MBNL2: variants seen among roughly 807,000 people sequenced by gnomAD.
MBNL2 encodes the protein muscleblind-like protein 2.
In MBNL2, 17 loss-of-function variants were observed where a neutral mutation model predicts 41.9. That is an observed-to-expected ratio of 0.41 (90% CI 0.28 to 0.61). The LOEUF (loss-of-function observed/expected upper bound fraction) is 0.61, where lower values mean the gene tolerates loss of function less well. MBNL2 is among the 20% of genes least tolerant of loss of function. MBNL2 has a pLI of 0.35. For synonymous variants in MBNL2, 195 were observed against 182.9 expected (o/e 1.07, Z -0.53); for missense variants, 336 against 505.6 (o/e 0.66, Z 3.22).
chr13:97,333,905 G>C (rs372997817), intron 2 of MBNL2, among the ~76,000 whole-genome samples: 1 of 148,060 alleles, frequency 6.8e-6, no homozygotes, highest in East Asian at 2.1e-4. Context: ...CTTTTGTCAG[G>C]GTTTAGAATC....
At chr13:97,289,028 A>C (rs1202646263) in intron 2 of MBNL2, among the ~76,000 whole-genome samples, 2 of 152,224 alleles carry the variant, frequency 1.3e-5, no homozygotes, top group Non-Finnish European at 2.9e-5. Flanking sequence ...TAGAGGCCTT[A>C]ACCTAGTTAA....
the MBNL2 span, among the ~76,000 whole-genome samples, chr13:97,165,354 A>G: frequency 2.0e-5 from 3 of 152,210 alleles, no homozygotes; most frequent in Non-Finnish European, 4.4e-5. Flanking sequence ...TTGCTATTAC[A>G]TTTCATCTCT....
the MBNL2 span, among the ~76,000 whole-genome samples, chr13:97,169,524 A>C: frequency 2.6e-5 from 4 of 152,226 alleles, no homozygotes; most frequent in African/African-American, 7.2e-5. Flanking sequence ...CTGATCTCAT[A>C]GTTTTCTGAG....
At chr13:97,211,220 A>G in the MBNL2 span, among the ~76,000 whole-genome samples, 81 of 152,278 alleles carry the variant, frequency 5.3e-4, no homozygotes, top group Middle Eastern at 6.8e-3. Context: ...TAGCCCTAGG[A>G]TCCATGATTG....
intron 2 of MBNL2, among the ~76,000 whole-genome samples, chr13:97,278,665 T>G (rs1488221775): frequency 6.6e-6 from 1 of 152,180 alleles, no homozygotes; most frequent in Non-Finnish European, 1.5e-5. Context: ...TTGAACAGCA[T>G]TCAAGTAAAA....
chr13:97,186,715 C>T, the MBNL2 span, among the ~76,000 whole-genome samples: 1 of 152,160 alleles, frequency 6.6e-6, no homozygotes, highest in African/African-American at 2.4e-5. Flanking sequence ...CACAGCAAAT[C>T]ATCGTTTTAA....
At chr13:97,214,342 G>C in the MBNL2 span, among the ~76,000 whole-genome samples, 1 of 152,180 alleles carries the variant, frequency 6.6e-6, no homozygotes, top group African/African-American at 2.4e-5. Context: ...CCTTGGCCTT[G>C]TGTCTCAAAC....
At chr13:97,289,903 A>G (rs1052008968) in intron 2 of MBNL2, among the ~76,000 whole-genome samples, 2 of 152,252 alleles carry the variant, frequency 1.3e-5, no homozygotes, top group African/African-American at 4.8e-5. Flanking sequence ...AAATGCCTAT[A>G]TTAAAGAAGA....
intron 5 of MBNL2, among the ~76,000 whole-genome samples, chr13:97,351,900 A>G (rs555072151): frequency 8.3e-4 from 126 of 152,182 alleles, no homozygotes; most frequent in African/African-American, 2.7e-3. Context: ...GGTGCACGCT[A>G]TAATTCCAGC....
chr13:97,326,249 G>A (rs1030841323), intron 2 of MBNL2, among the ~76,000 whole-genome samples: 6 of 152,160 alleles, frequency 3.9e-5, no homozygotes, highest in African/African-American at 1.4e-4. Flanking sequence ...GTGGTGGTGG[G>A]TAAAATTGGA....
At chr13:97,169,333 T>C in the MBNL2 span, among the ~76,000 whole-genome samples, 1 of 152,208 alleles carries the variant, frequency 6.6e-6, no homozygotes, top group Non-Finnish European at 1.5e-5. Context: ...AAGAGTGGAT[T>C]GAAAAACCAA....
chr13:97,229,501 C>T (rs533077763), intron 1 of MBNL2, among the ~76,000 whole-genome samples: 2 of 151,978 alleles, frequency 1.3e-5, no homozygotes, highest in Non-Finnish European at 2.9e-5. Context: ...CAGGGTTATG[C>T]AAGAATAATA....
rs895638076 is a variant in MBNL2, at chr13:97,346,009, A to G, written c.541-795A>G. Reference sequence around the variant, plus strand: ...TAGGTAGGTAAGCAGGTATATAGATAGGTAGGTAACTAGATTAGATAGATG... The same window carrying G: ...TAGGTAGGTAAGCAGGTATATAGATGGGTAGGTAACTAGATTAGATAGATG... On this transcript the variant is annotated intron_variant, in intron 4 of 8. Transcript: ENST00000679496. The surrounding 1 kb of genome is among the most constrained non-coding windows in gnomAD (Gnocchi z 4.2). 1.3e-5 allele frequency among the ~76,000 whole-genome samples: 2 copies of G among 152,002 alleles called. No homozygotes were observed. The highest frequency in any genetic ancestry group is 4.8e-5 in the African/African-American group (2 of 41,276).
chr13:97,376,561 C>A (rs2064983710), intron 8 of MBNL2, among the ~76,000 whole-genome samples: 1 of 152,142 alleles, frequency 6.6e-6, no homozygotes, highest in Non-Finnish European at 1.5e-5. Context: ...CCTATCATTG[C>A]TCCCCTTGCT....
intron 1 of MBNL2, among the ~76,000 whole-genome samples, chr13:97,260,583 C>T (rs1189022406): frequency 6.6e-6 from 1 of 152,132 alleles, no homozygotes; most frequent in Non-Finnish European, 1.5e-5. Context: ...CAGACTCTGG[C>T]GCCGTTAGGA....
At chr13:97,333,307 G>A (rs901016950) in intron 2 of MBNL2, among the ~76,000 whole-genome samples, 16 of 152,198 alleles carry the variant, frequency 1.1e-4, no homozygotes, top group Admixed American at 3.9e-4. Context: ...TGAAAACTTG[G>A]GGATGAAGTA....
intron 2 of MBNL2, among the ~76,000 whole-genome samples, chr13:97,315,967 G>T (rs989261645): frequency 7.2e-5 from 11 of 152,144 alleles, no homozygotes. Context: ...ATAACCAAGG[G>T]TTTGTTCTCA....
the MBNL2 span, among the ~76,000 whole-genome samples, chr13:97,151,585 A>G: frequency 2.6e-5 from 4 of 152,236 alleles, no homozygotes; most frequent in African/African-American, 7.2e-5. Flanking sequence ...AATGGACAGC[A>G]TAAAGTCTCT....
intron 2 of MBNL2, among the ~76,000 whole-genome samples, chr13:97,296,220 T>G (rs761528442): frequency 2.0e-4 from 31 of 152,208 alleles, no homozygotes; most frequent in Non-Finnish European, 4.3e-4. Flanking sequence ...TTTCTCTTTC[T>G]CTCTGAAAGA....
Sources: allele counts gnomAD v4.1 joint callset (sites outside exome capture counted in the v4.1 genomes callset), GRCh38; gene constraint gnomAD v4.1.1; non-coding constraint Gnocchi (gnomAD v3.1); transcripts MANE v1.5; gene names NCBI Gene and HGNC (gene_info 2026-07-23, HGNC 2026-07-21).